PCDHGA6: variants seen among roughly 807,000 people sequenced by gnomAD.
PCDHGA6 encodes protocadherin gamma-A6.
A neutral mutation model predicts 60.6 loss-of-function variants in PCDHGA6; 41 were observed. That is an observed-to-expected ratio of 0.68 (90% CI 0.53 to 0.88). PCDHGA6 has a LOEUF of 0.88. Among genes scored for constraint, PCDHGA6 ranks in the 40% least tolerant of loss-of-function variants. The pLI is 0.00. For missense variants in PCDHGA6, 1,312 were observed against 1,203.0 expected, an observed-to-expected ratio of 1.09 and a Z score of -1.34; for synonymous variants, 594 against 524.4, an observed-to-expected ratio of 1.13 and a Z score of -1.81.
intron 1 of PCDHGA6, among the ~76,000 whole-genome samples, chr5:141,463,642 G>A (rs573143516): frequency 6.6e-6 from 1 of 151,750 alleles, no homozygotes; most frequent in South Asian, 2.1e-4. Context: ...TAGTAGAGAC[G>A]GGGTTTCACC....
chr5:141,420,099 C>T (rs750814136), intron 1 of PCDHGA6: 4 of 1,613,996 alleles, frequency 2.5e-6, no homozygotes, highest in South Asian at 2.2e-5. Flanking sequence ...AGTGAGGGAA[C>T]GTTGCCCTAT....
Position 141,387,762 on chromosome 5 carries a change from G to T in PCDHGA6, c.2424+11255G>T, listed in dbSNP as rs545222926. The T allele has an allele frequency of 3.5e-6, 5 of 1,424,676 alleles. No homozygotes were observed. The East Asian group carries it at 9.9e-5, about 28-fold the overall frequency. The allele number at this position is 1,424,676 out of a possible 1,614,324, so 88.3% of individuals were successfully genotyped here. ...CACCGCTTCCTCCTCGGAAAAAGAA[G>T]AATTTTTTCTTGAACTGGAACTGCA... On this transcript the variant is annotated intron_variant, in intron 1 of 3. Transcript: ENST00000517434.
At chr5:141,423,049 C>T (rs1418805817) in intron 1 of PCDHGA6, 3 of 1,614,094 alleles carry the variant, frequency 1.9e-6, no homozygotes, top group East Asian at 2.2e-5. Flanking sequence ...GCTGTCCTAT[C>T]GCCTGCTTAA....
chr5:141,429,476 A>T (rs1279691939), intron 1 of PCDHGA6, among the ~76,000 whole-genome samples: 1 of 152,112 alleles, frequency 6.6e-6, no homozygotes, highest in Non-Finnish European at 1.5e-5. Flanking sequence ...CAATCTCCAG[A>T]GTAGCTGAGA....
chr5:141,474,597 T>C (rs1454833258), intron 1 of PCDHGA6, among the ~76,000 whole-genome samples: 2 of 152,248 alleles, frequency 1.3e-5, no homozygotes, highest in Non-Finnish European at 2.9e-5. Flanking sequence ...CATGGAAATA[T>C]AGGTCACATA....
chr5:141,374,365 G>C lies in PCDHGA6; in HGVS notation c.282G>C (p.Glu94Asp). 1 of 1,614,054 alleles carries C rather than the reference G, an allele frequency of 6.2e-7. No homozygotes were observed. The highest frequency in any genetic ancestry group is 8.5e-7 in the Non-Finnish European group (1 of 1,179,902). ...LVTAGRIDRE[E>D]LCAQSPRCLV... ...CCGCGGGTAGGATAGACCGCGAGGA[G>C]CTCTGTGCTCAGAGCCCGCGGTGTC... The change falls in exon 1 of 4, where the codon GAG becomes GAC. Residue 94 changes from glutamate to aspartate, a missense_variant. Glu to Asp is a conservative substitution (Grantham distance 45). Transcript: ENST00000517434.
In PCDHGA6 at chr5:141,374,220, G is replaced by A. The variant is rs775122429; in HGVS notation, c.137G>A (p.Gly46Asp). The part of the protein sequence containing the change: ...PEELEKGSFV[G>D]NIVKDLGLEP... ...GAGCTGGAGAAAGGCTCCTTCGTAGGCAACATCGTCAAGGATCTGGGACTG... is the reference window on the plus strand; with the variant it reads ...GAGCTGGAGAAAGGCTCCTTCGTAGACAACATCGTCAAGGATCTGGGACTG... Residue 46 changes from glycine to aspartate, a missense_variant, in exon 1 of 4, where the codon GGC (glycine) becomes GAC (aspartate). Physicochemically the swap from Gly to Asp is moderately conservative, Grantham distance 94. Coordinates refer to ENST00000517434, the MANE Select transcript of PCDHGA6 (RefSeq NM_018919.3). 6.2e-7 allele frequency: 1 copy of A among 1,613,984 alleles called. No individual in the cohort carries two copies. Among genetic ancestry groups the A allele is most frequent in the Non-Finnish European group, 8.5e-7 (1 of 1,179,902 alleles).
chr5:141,421,593 G>A lies in PCDHGA6; in HGVS notation c.2424+45086G>A, dbSNP rs780085355. ...CCTTGAAGATTTACGGAGTGGAGGTGGAAATAATAGATATTAATGATAACG... is the reference window on the plus strand; with the variant it reads ...CCTTGAAGATTTACGGAGTGGAGGTAGAAATAATAGATATTAATGATAACG... On this transcript the variant is annotated intron_variant, in intron 1 of 3. Coordinates refer to ENST00000517434, the MANE Select transcript of PCDHGA6 (RefSeq NM_018919.3). 6 of 1,613,840 alleles carry A rather than the reference G, an allele frequency of 3.7e-6. No individual in the cohort carries two copies. In the East Asian group the frequency reaches 1.1e-4, roughly 30 times the overall value.
At chr5:141,376,952 G>T (rs1773571680) in intron 1 of PCDHGA6, 1 of 165,710 alleles carries the variant, frequency 6.0e-6, no homozygotes, top group African/African-American at 2.4e-5. Flanking sequence ...CTCCCAAAGT[G>T]CTGGGATTAC....
Position 141,385,046 on chromosome 5 carries a change from T to C in PCDHGA6, c.2424+8539T>C, listed in dbSNP as rs777247092. 1.9e-6 allele frequency: 3 copies of C among 1,614,038 alleles called. No homozygotes were observed. The Admixed American group carries it at 5.0e-5, about 27-fold the overall frequency. Reference sequence around the variant, plus strand: ...GTCCTCGTACTGCTGGCGCTCAGGCTGCGGCGCTGGCACAAGTCACGCCTG... The same window carrying C: ...GTCCTCGTACTGCTGGCGCTCAGGCCGCGGCGCTGGCACAAGTCACGCCTG... On this transcript the variant is annotated intron_variant, in intron 1 of 3. Coordinates refer to ENST00000517434, the MANE Select transcript of PCDHGA6 (RefSeq NM_018919.3).
intron 1 of PCDHGA6, chr5:141,393,352 T>G: frequency 1.2e-6 from 2 of 1,613,956 alleles, no homozygotes; most frequent in African/African-American, 2.7e-5. Context: ...CACTTCTCCC[T>G]GGACGTGCAG....
In PCDHGA6 at chr5:141,376,087, C is replaced by T; in HGVS notation, c.2004C>T (p.Ile668=). Residue 668 remains isoleucine, a synonymous_variant, in exon 1 of 4, where the codon ATC becomes ATT. Transcript: ENST00000517434. ...VTLTVAVADR[I]PDILADLGSL... ...TCACCGTGGCCGTGGCCGACAGGAT[C>T]CCCGACATCCTGGCCGACCTGGGCA... 3 of 1,613,656 alleles carry T rather than the reference C, an allele frequency of 1.9e-6. No individual in the cohort carries two copies. The highest frequency in any genetic ancestry group is 2.5e-6 in the Non-Finnish European group (3 of 1,179,926).
intron 1 of PCDHGA6, among the ~76,000 whole-genome samples, chr5:141,401,282 C>G (rs963741934): frequency 4.0e-5 from 6 of 151,884 alleles, no homozygotes; most frequent in African/African-American, 1.5e-4. Context: ...GTGGAGGTTG[C>G]GGTGAGCCGA....
rs765754054 is a variant in PCDHGA6 at position 141,503,598 on chromosome 5, CA to C, written c.2484-1779del. Among the ~76,000 whole-genome samples, 277 of 65,728 alleles carry C rather than the reference CA, an allele frequency of 4.2e-3. 2 individuals are homozygous for C. The highest frequency in any genetic ancestry group is 0.012 in the Middle Eastern group (1 of 86). The allele number at this position is 65,728 out of a possible 152,430, so 43.1% of individuals were successfully genotyped here. A position where few individuals can be genotyped will look rare whatever the true frequency, so the allele number is the denominator to read the frequency against. ...TGGGTGACAGAGCGAGACTCCAGCT[CA>C]AAAAAAAAAAAAAAAGAAAAAAGAA... On this transcript the variant is annotated intron_variant, in intron 2 of 3. Coordinates refer to ENST00000517434, the MANE Select transcript of PCDHGA6 (RefSeq NM_018919.3).
At position 141,375,861 on chromosome 5, in the gene PCDHGA6, C is replaced by T. The variant is rs567912144; in HGVS notation, c.1778C>T (p.Ala593Val). Reference sequence around the variant, plus strand: ...GGCTACCTGGTGACCAAGGTGGTGGCGGTGGACAGAGACTCGGGCCAGAAC... The same window carrying T: ...GGCTACCTGGTGACCAAGGTGGTGGTGGTGGACAGAGACTCGGGCCAGAAC... ...EPGYLVTKVV[A>V]VDRDSGQNAW... The change falls in exon 1 of 4, where the codon GCG (alanine) becomes GTG (valine). Residue 593 changes from alanine to valine, a missense_variant. Transcript: ENST00000517434. 3 of 1,613,986 alleles carry T rather than the reference C, an allele frequency of 1.9e-6. No individual in the cohort carries two copies. The highest frequency in any genetic ancestry group is 1.7e-4 in the Middle Eastern group (1 of 6,016).
chr5:141,398,989 T>A lies in PCDHGA6; in HGVS notation c.2424+22482T>A, dbSNP rs766277028. 153 of 1,613,914 alleles carry A rather than the reference T, an allele frequency of 9.5e-5. No individual in the cohort carries two copies. The Middle Eastern group carries it at 3.6e-3, about 38-fold the overall frequency. ...TTCCTTCTACAGAACCGGGCAAATC[T>A]TTAGTCTGAATTCAAAGAGCGGAGA... is the stretch of plus-strand genomic sequence containing the variant. On this transcript the variant is annotated intron_variant, in intron 1 of 3. Coordinates refer to ENST00000517434, the MANE Select transcript of PCDHGA6 (RefSeq NM_018919.3).
In PCDHGA6 at chr5:141,476,178, T is replaced by G; in HGVS notation, c.2425-18629T>G. Reference sequence around the variant, plus strand: ...ACCGGGAGGGTAGTGGGAGTTTTGCTTCTGCTTGGTGCCTTGAACAAGGCT... The same window carrying G: ...ACCGGGAGGGTAGTGGGAGTTTTGCGTCTGCTTGGTGCCTTGAACAAGGCT... On this transcript the variant is annotated intron_variant, in intron 1 of 3. Transcript: ENST00000517434. This position sits in a 1 kb window ranked among gnomAD's most constrained non-coding sequence, Gnocchi z 7.6. The G allele has an allele frequency of 3.1e-6, 5 of 1,613,632 alleles. No homozygotes were observed. Among genetic ancestry groups the G allele is most frequent in the Non-Finnish European group, 4.2e-6 (5 of 1,180,000 alleles).
At chr5:141,387,885 A>C (rs748815627) in intron 1 of PCDHGA6, 1 of 1,578,800 alleles carries the variant, frequency 6.3e-7, no homozygotes, top group Non-Finnish European at 8.6e-7. Flanking sequence ...AGCAAGAGGG[A>C]TGGGGAGCGG....
chr5:141,376,606 A>C (rs1349467952), intron 1 of PCDHGA6, 99 bp downstream of exon 1: 1 of 1,502,986 alleles, frequency 6.7e-7, no homozygotes, highest in African/African-American at 1.4e-5. Context: ...TATAGAAGCG[A>C]ACCTCTTTTG....
Sources: gnomAD v4.1 joint callset for allele counts (sites outside exome capture counted in the v4.1 genomes callset) on GRCh38, gnomAD v4.1.1 for gene constraint, Gnocchi (gnomAD v3.1) non-coding constraint, MANE v1.5 for transcripts, NCBI Gene and HGNC (gene_info 2026-07-23, HGNC 2026-07-21) for gene names.